Variants in GTF2E2 observed in about 807,000 individuals in gnomAD.
GTF2E2 encodes general transcription factor IIE subunit 2.
GTF2E2 carries 21 observed loss-of-function variants against 40.5 expected under a neutral mutation model. That is an observed-to-expected ratio of 0.52 (90% CI 0.37 to 0.75). The LOEUF (loss-of-function observed/expected upper bound fraction) is 0.75, where lower values mean the gene tolerates loss of function less well. Among genes scored for constraint, GTF2E2 ranks in the 30% least tolerant of loss-of-function variants. The pLI is 0.00. For missense variants in GTF2E2, 298 were observed against 338.4 expected (o/e 0.88, Z 0.94); for synonymous variants, 117 against 121.6 (o/e 0.96, Z 0.25).
rs1317432841 is a variant in GTF2E2, at chr8:30,593,904, T to G, written c.643+13153A>C. Among the ~76,000 whole-genome samples, 5 of 152,218 alleles carry G rather than the reference T, an allele frequency of 3.3e-5. No individual in the cohort carries two copies. The South Asian group carries it at 8.3e-4, about 25-fold the overall frequency. The stretch of plus-strand genomic sequence containing the variant: ...AGTATATCATTTTACATGCTTTTAC[T>G]TTTAACCTGTCTATATTTATTTTTT... On this transcript the variant is annotated intron_variant, in intron 6 of 7. Coordinates refer to ENST00000355904, the MANE Select transcript of GTF2E2 (RefSeq NM_002095.6).
intron 1 of GTF2E2, chr8:30,657,482 CGGAAG>C (rs2128732418): frequency 6.6e-6 from 1 of 152,306 alleles, no homozygotes; most frequent in South Asian, 2.1e-4. Flanking sequence ...CCTTAAATGA[CGGAAG>C]TGGGGAGGTG....
rs182551707 is a variant in GTF2E2, at chr8:30,647,848, A to C, written c.166+5585T>G. The stretch of plus-strand genomic sequence containing the variant: ...GATTTTTTAATAGTGTACATTACCA[A>C]CTTTCTCCCCCACCCTATCCTGTAA... On this transcript the variant is annotated intron_variant, in intron 2 of 7. Transcript: ENST00000355904. Among the ~76,000 whole-genome samples, 4 of 152,304 alleles carry C rather than the reference A, an allele frequency of 2.6e-5. No homozygotes were observed. In the East Asian group the frequency reaches 7.7e-4, roughly 29 times the overall value.
chr8:30,600,191 A>T (rs1022308996), intron 6 of GTF2E2, among the ~76,000 whole-genome samples: 3 of 152,178 alleles, frequency 2.0e-5, no homozygotes, highest in African/African-American at 7.2e-5. Context: ...ACGTAACTGC[A>T]AAAAATCAGC....
chr8:30,629,309 A>G (rs1801372037), intron 3 of GTF2E2, among the ~76,000 whole-genome samples: 1 of 152,146 alleles, frequency 6.6e-6, no homozygotes, highest in Non-Finnish European at 1.5e-5. Flanking sequence ...CAGAGTTTCT[A>G]AATTCAAAAA....
At chr8:30,627,055 G>T (rs1257328702) in intron 3 of GTF2E2, among the ~76,000 whole-genome samples, 1 of 152,130 alleles carries the variant, frequency 6.6e-6, no homozygotes, top group East Asian at 1.9e-4. Flanking sequence ...ACCACTGATG[G>T]GAACCTAATC....
chr8:30,579,434 G>C (rs1452886751), intron 7 of GTF2E2, among the ~76,000 whole-genome samples: 1 of 152,180 alleles, frequency 6.6e-6, no homozygotes, highest in African/African-American at 2.4e-5. Flanking sequence ...ATGAAGGTCT[G>C]TAATATTCTC....
intron 3 of GTF2E2, among the ~76,000 whole-genome samples, chr8:30,624,036 T>A (rs1205987113): frequency 1.3e-5 from 2 of 152,164 alleles, no homozygotes; most frequent in Non-Finnish European, 2.9e-5. Flanking sequence ...TTTGTCTATT[T>A]TGGCTTTCGT....
At chr8:30,616,577 A>G (rs1234379195) in intron 3 of GTF2E2, among the ~76,000 whole-genome samples, 2 of 152,190 alleles carry the variant, frequency 1.3e-5, no homozygotes, top group African/African-American at 4.8e-5. Flanking sequence ...AGTGGTGGAC[A>G]TAGGTCATTA....
At chr8:30,625,466 A>G (rs1013034067) in intron 3 of GTF2E2, among the ~76,000 whole-genome samples, 5 of 152,148 alleles carry the variant, frequency 3.3e-5, no homozygotes, top group Admixed American at 1.3e-4. Context: ...AACATTTTCT[A>G]AATTTCTCAC....
chr8:30,600,340 G>T (rs1195882743), intron 6 of GTF2E2, among the ~76,000 whole-genome samples: 1 of 152,112 alleles, frequency 6.6e-6, no homozygotes, highest in Non-Finnish European at 1.5e-5. Context: ...CTAGCACCAT[G>T]GGTACTATTT....
chr8:30,615,008 T>C (rs947279138), intron 3 of GTF2E2, among the ~76,000 whole-genome samples: 5 of 152,136 alleles, frequency 3.3e-5, no homozygotes, highest in Non-Finnish European at 5.9e-5. Flanking sequence ...CCAGGCACAG[T>C]GGCTCATGGC....
chr8:30,641,331 T>C (rs1801817438), intron 2 of GTF2E2, among the ~76,000 whole-genome samples: 1 of 152,144 alleles, frequency 6.6e-6, no homozygotes, highest in African/African-American at 2.4e-5. Flanking sequence ...GCCTATGGTG[T>C]TACCTATAGT....
intron 3 of GTF2E2, among the ~76,000 whole-genome samples, chr8:30,625,791 G>A (rs1801254574): frequency 6.6e-6 from 1 of 152,112 alleles, no homozygotes; most frequent in Admixed American, 6.6e-5. Flanking sequence ...TAGAGACGGG[G>A]TTTTGCCATG....
At chr8:30,611,386 T>C (rs1053365204) in intron 5 of GTF2E2, among the ~76,000 whole-genome samples, 1 of 152,038 alleles carries the variant, frequency 6.6e-6, no homozygotes, top group African/African-American at 2.4e-5. Flanking sequence ...GACTCGGCTG[T>C]TAGAATAAGA....
chr8:30,627,628 A>C (rs899004088), intron 3 of GTF2E2, among the ~76,000 whole-genome samples: 1 of 152,146 alleles, frequency 6.6e-6, no homozygotes, highest in Non-Finnish European at 1.5e-5. Context: ...CAGGAGTTTA[A>C]GACCAGCCTG....
chr8:30,627,444 C>A (rs1801314070), intron 3 of GTF2E2, among the ~76,000 whole-genome samples: 1 of 90,294 alleles, frequency 1.1e-5, no homozygotes, highest in Admixed American at 1.4e-4. Flanking sequence ...TTTTACCTCT[C>A]TTGCAAAAAA....
chr8:30,622,601 G>T (rs1375594992), intron 3 of GTF2E2, among the ~76,000 whole-genome samples: 1 of 151,980 alleles, frequency 6.6e-6, no homozygotes, highest in Non-Finnish European at 1.5e-5. Context: ...TTATTGGGCG[G>T]GAATTTCCTC....
chr8:30,583,235 G>A (rs1259413940), intron 6 of GTF2E2, among the ~76,000 whole-genome samples: 1 of 152,210 alleles, frequency 6.6e-6, no homozygotes, highest in Non-Finnish European at 1.5e-5. Context: ...TCAGAAGGCT[G>A]AGGCAGGAAA....
chr8:30,594,623 C>T (rs1210892690), intron 6 of GTF2E2, among the ~76,000 whole-genome samples: 14 of 151,008 alleles, frequency 9.3e-5, no homozygotes, highest in African/African-American at 2.4e-4. Context: ...TTTGGGAGGC[C>T]GAGGTGGGAA....
Sources: allele counts gnomAD v4.1 joint callset (sites outside exome capture counted in the v4.1 genomes callset), GRCh38; gene constraint gnomAD v4.1.1; transcripts MANE v1.5; gene names NCBI Gene and HGNC (gene_info 2026-07-23, HGNC 2026-07-21).